DNAH5: variants seen among roughly 807,000 people sequenced by gnomAD.
The protein encoded by DNAH5 is axonemal beta dynein heavy chain 5.
DNAH5 carries 372 observed loss-of-function variants against 518.2 expected under a neutral mutation model. The ratio of observed to expected loss-of-function variants is 0.72; its 90% confidence interval spans 0.66 to 0.78. DNAH5 has a LOEUF of 0.78. DNAH5 is among the 30% of genes least tolerant of loss of function. The probability of loss-of-function intolerance (pLI) is 0.00; values close to 1 mark genes in which losing one functional copy is unlikely to be tolerated. For synonymous variants in DNAH5, 2,039 were observed against 2,025.9 expected (o/e 1.01, Z -0.17); for missense variants, 5,523 against 5,687.0 (o/e 0.97, Z 0.93).
intron 7 of DNAH5, among the ~76,000 whole-genome samples, chr5:13,918,442 A>T (rs1384696209): frequency 1.3e-5 from 2 of 152,138 alleles, no homozygotes; most frequent in African/African-American, 4.8e-5. Flanking sequence ...TGGCCCATAG[A>T]GTGTGAGATT....
At chr5:13,919,077 A>C (rs1580886205) in intron 7 of DNAH5, 99 bp downstream of exon 7, 1 of 1,408,886 alleles carries the variant, frequency 7.1e-7, no homozygotes, top group Non-Finnish European at 1.0e-6. Flanking sequence ...TCATCAAGGT[A>C]TAATAACATT....
At chr5:13,843,208 T>C (rs932147682) in intron 32 of DNAH5, among the ~76,000 whole-genome samples, 1 of 152,218 alleles carries the variant, frequency 6.6e-6, no homozygotes, top group Non-Finnish European at 1.5e-5. Context: ...CAGCCTTTTT[T>C]ATCCTGATTT....
intron 1 of DNAH5, among the ~76,000 whole-genome samples, chr5:13,970,584 T>C (rs905164139): frequency 6.6e-6 from 1 of 152,220 alleles, no homozygotes; most frequent in African/African-American, 2.4e-5. Context: ...TGGCTGATAA[T>C]TGTTTTGTTT....
intron 1 of DNAH5, among the ~76,000 whole-genome samples, chr5:14,008,564 C>A (rs1784893653): frequency 6.6e-6 from 1 of 151,758 alleles, no homozygotes; most frequent in Admixed American, 6.6e-5. Context: ...ATTGCTTGAA[C>A]CCTTGGAGAT....
intron 67 of DNAH5, 26 bp from the exon 68 acceptor site, chr5:13,735,347 G>A: frequency 1.2e-6 from 2 of 1,607,026 alleles, no homozygotes; most frequent in Non-Finnish European, 1.7e-6. Flanking sequence ...TTTAAATCAG[G>A]CTTATCCCAC....
chr5:13,754,140 A>C (rs1257144272), intron 62 of DNAH5, 63 bp downstream of exon 62: 1 of 1,596,848 alleles, frequency 6.3e-7, no homozygotes, highest in African/African-American at 1.3e-5. Context: ...TGATTAAAGT[A>C]TAAGCTTTCG....
At chr5:13,868,654 G>T (rs537792891) in intron 24 of DNAH5, among the ~76,000 whole-genome samples, 3 of 152,260 alleles carry the variant, frequency 2.0e-5, no homozygotes, top group East Asian at 3.9e-4. Context: ...TTATTAATTT[G>T]GGGGAAAACA....
chr5:13,746,133 TAAGGA>T (rs1390184405), intron 65 of DNAH5, among the ~76,000 whole-genome samples: 1 of 152,124 alleles, frequency 6.6e-6, no homozygotes, highest in African/African-American at 2.4e-5. Context: ...ACACTTTTAC[TAAGGA>T]AATGAGTCAA....
chr5:13,990,430 A>AGTCCCAGCTACTCGCGGGCGCCTG (rs1783448950), intron 1 of DNAH5, among the ~76,000 whole-genome samples: 1 of 151,880 alleles, frequency 6.6e-6, no homozygotes, highest in Non-Finnish European at 1.5e-5. Flanking sequence ...GCGGGCGCCT[A>AGTCCCAGCTACTCGCGGGCGCCTG]TAGTCCCAGC....
Position 13,793,924 on chromosome 5 carries a change from G to C in DNAH5, c.8010+12C>G, listed in dbSNP as rs1223018101. The C allele has an allele frequency of 1.9e-6, 3 of 1,613,598 alleles. No individual in the cohort carries two copies. The highest frequency in any genetic ancestry group is 2.7e-5 in the African/African-American group (2 of 74,984). ...AATTAAAGAAATAAAATGCACAATA[G>C]AATGATGATACCTGATCTCCCCACT... is the stretch of plus-strand genomic sequence containing the variant. On this transcript the variant is annotated intron_variant, in intron 48 of 78. Transcript: ENST00000265104.
chr5:14,006,886 C>T (rs1784757257), intron 1 of DNAH5, among the ~76,000 whole-genome samples: 1 of 152,200 alleles, frequency 6.6e-6, no homozygotes, highest in Non-Finnish European at 1.5e-5. Context: ...TGCAGCATCT[C>T]CTCCTGCCTC....
chr5:13,920,669 G>C, intron 5 of DNAH5, 52 bp from the exon 6 acceptor site: 1 of 1,604,110 alleles, frequency 6.2e-7, no homozygotes, highest in Non-Finnish European at 8.5e-7. Context: ...AAAACACACA[G>C]ACTGTGGGCC....
At position 13,766,071 on chromosome 5, in the gene DNAH5, C is replaced by T. The variant is rs1752474378; in HGVS notation, c.10006G>A (p.Ala3336Thr). ...VLLLFQRKVS[A>T]VKIDLEKSCT... The stretch of plus-strand genomic sequence containing the variant: ...CTTTTTTCCAGGTCAATTTTCACAG[C>T]ACTGACTTTCCTTTGAAACAGCAGC... The change falls in exon 59 of 79, where the codon GCT becomes ACT. Residue 3336 changes from alanine to threonine, a missense_variant. This residue lies in a region of DNAH5 where 5,121 missense variants were observed against 5,223.3 expected (regional missense o/e 0.98). Transcript: ENST00000265104. 2 of 1,614,084 alleles carry T rather than the reference C, an allele frequency of 1.2e-6. No homozygotes were observed. Among genetic ancestry groups the T allele is most frequent in the African/African-American group, 2.7e-5 (2 of 74,934 alleles).
rs756945139 is a variant in DNAH5, at chr5:13,841,032, C to A, written c.5583G>T (p.Gln1861His). The change falls in exon 34 of 79, where the codon CAG becomes CAT. Residue 1861 changes from glutamine to histidine, a missense_variant. Gln to His is a conservative substitution (Grantham distance 24). Coordinates refer to ENST00000265104, the MANE Select transcript of DNAH5 (RefSeq NM_001369.3). ...FDKKIMQKTN[Q>H]AFLELLNTLI... ...ATGTATTGAGTAGCTCCAGGAAAGC[C>A]TGATTAGTTTTCTGCATGATTTTTT... The A allele has an allele frequency of 1.9e-6, 3 of 1,614,140 alleles. No homozygotes were observed. The Admixed American group carries it at 5.0e-5, about 27-fold the overall frequency.
At chr5:13,887,928 A>G (rs1772657541) in intron 17 of DNAH5, among the ~76,000 whole-genome samples, 2 of 152,076 alleles carry the variant, frequency 1.3e-5, no homozygotes, top group Admixed American at 6.5e-5. Flanking sequence ...ATCATTCTAC[A>G]TGACTATAGC....
In DNAH5 at chr5:13,691,956, AG is replaced by A; in HGVS notation, c.*27del. On this transcript the variant is annotated 3_prime_UTR_variant, in exon 79 of 79. Coordinates refer to ENST00000265104, the MANE Select transcript of DNAH5 (RefSeq NM_001369.3). ...ATAATTTAGATCTTGCATTTTCCAA[AG>A]CATTGGGTGGGGACACTCCCCACAT... The A allele has an allele frequency of 5.6e-6, 9 of 1,613,974 alleles. No homozygotes were observed. Among genetic ancestry groups the A allele is most frequent in the Non-Finnish European group, 7.6e-6 (9 of 1,179,898 alleles).
chr5:13,728,919 T>C (rs1746123547), intron 69 of DNAH5, among the ~76,000 whole-genome samples: 1 of 152,120 alleles, frequency 6.6e-6, no homozygotes, highest in Non-Finnish European at 1.5e-5. Flanking sequence ...AGAAAGATGA[T>C]AACTTCTAAA....
At chr5:13,889,261 G>A (rs1418065623) in intron 17 of DNAH5, among the ~76,000 whole-genome samples, 1 of 152,094 alleles carries the variant, frequency 6.6e-6, no homozygotes, top group Non-Finnish European at 1.5e-5. Flanking sequence ...AAACCATGGA[G>A]GCAAGTGATT....
intron 1 of DNAH5, among the ~76,000 whole-genome samples, chr5:13,940,432 C>T (rs1350080114): frequency 6.6e-6 from 1 of 152,144 alleles, no homozygotes; most frequent in Non-Finnish European, 1.5e-5. Flanking sequence ...TAATATGTCA[C>T]CATTCACGTT....
Sources: allele counts gnomAD v4.1 joint callset (sites outside exome capture counted in the v4.1 genomes callset), GRCh38; gene constraint gnomAD v4.1.1; regional missense constraint gnomAD v4.1.1; transcripts MANE v1.5; gene names NCBI Gene and HGNC (gene_info 2026-07-23, HGNC 2026-07-21).